Variants in WWC1 observed in about 807,000 individuals in gnomAD.
WWC1 encodes WW and C2 domain containing 1.
In WWC1, 55 loss-of-function variants were observed where a neutral mutation model predicts 138.4. That is an observed-to-expected ratio of 0.40 (90% confidence interval 0.32 to 0.50). The LOEUF (loss-of-function observed/expected upper bound fraction) is 0.50, where lower values mean the gene tolerates loss of function less well. WWC1 is among the 20% of genes least tolerant of loss of function. WWC1 has a pLI of 0.72. For missense variants in WWC1, 1,226 were observed against 1,420.4 expected (o/e 0.86, Z 2.20); for synonymous variants, 524 against 564.9 (o/e 0.93, Z 1.03).
chr5:168,468,076 C>T, intron 22 of WWC1, 112 bp downstream of exon 22: 1 of 1,509,996 alleles, frequency 6.6e-7, no homozygotes, highest in Admixed American at 2.0e-5. Flanking sequence ...CACTGGCTTT[C>T]CCTGTAACAG....
intron 2 of WWC1, among the ~76,000 whole-genome samples, chr5:168,373,606 G>A (rs183056850): frequency 1.5e-4 from 22 of 151,696 alleles, no homozygotes; most frequent in Admixed American, 3.3e-4. Context: ...ACACAATATC[G>A]GGCATGTTTG....
chr5:168,416,315 GAGA>G (rs1302658409), intron 9 of WWC1: 1 of 152,216 alleles, frequency 6.6e-6, no homozygotes, highest in Non-Finnish European at 1.5e-5. Context: ...CAGTTGGTGG[GAGA>G]AGGAGAAGGA....
chr5:168,384,082 C>T (rs2152818024), intron 2 of WWC1, among the ~76,000 whole-genome samples: 1 of 152,070 alleles, frequency 6.6e-6, no homozygotes, highest in Admixed American at 6.5e-5. Flanking sequence ...ATTATAAGTA[C>T]CTTTCCATGT....
At chr5:168,336,143 A>G (rs1290204123) in intron 1 of WWC1, among the ~76,000 whole-genome samples, 1 of 152,184 alleles carries the variant, frequency 6.6e-6, no homozygotes, top group Non-Finnish European at 1.5e-5. Flanking sequence ...CCACCTGGAT[A>G]TGTGGGCCCC....
chr5:168,408,275 C>T (rs1354053002), intron 6 of WWC1, among the ~76,000 whole-genome samples: 1 of 152,012 alleles, frequency 6.6e-6, no homozygotes, highest in African/African-American at 2.4e-5. Flanking sequence ...GCATGTGGCT[C>T]CAGAGTCGGC....
At chr5:168,352,531 G>A (rs1315592947) in intron 1 of WWC1, among the ~76,000 whole-genome samples, 3 of 151,638 alleles carry the variant, frequency 2.0e-5, no homozygotes, top group East Asian at 1.9e-4. Context: ...TAAGGCATGC[G>A]ACTTGACCTC....
chr5:168,410,650 C>G (rs974180542), intron 8 of WWC1, among the ~76,000 whole-genome samples: 2 of 152,198 alleles, frequency 1.3e-5, no homozygotes, highest in Non-Finnish European at 2.9e-5. Flanking sequence ...TTGATCCTCC[C>G]ACCTCAGCCT....
chr5:168,345,994 G>A (rs932889832), intron 1 of WWC1, among the ~76,000 whole-genome samples: 35 of 152,008 alleles, frequency 2.3e-4, no homozygotes, highest in Non-Finnish European at 4.4e-4. Flanking sequence ...CGGGGACCCT[G>A]TGTGGTGAGA....
chr5:168,436,324 C>G (rs903293608), intron 15 of WWC1, among the ~76,000 whole-genome samples: 1 of 152,184 alleles, frequency 6.6e-6, no homozygotes, highest in Non-Finnish European at 1.5e-5. Flanking sequence ...CCTCGCTCTT[C>G]CAGTGTTCTC....
intron 3 of WWC1, among the ~76,000 whole-genome samples, chr5:168,390,115 A>G (rs1391012507): frequency 6.6e-6 from 1 of 152,234 alleles, no homozygotes; most frequent in South Asian, 2.1e-4. Flanking sequence ...GTAACCTTGC[A>G]CAAGTTATGC....
At chr5:168,395,476 C>T (rs540503041) in intron 3 of WWC1, among the ~76,000 whole-genome samples, 16 of 152,262 alleles carry the variant, frequency 1.1e-4, no homozygotes, top group African/African-American at 3.9e-4. Context: ...ACAGCAGGTC[C>T]TCAAATAACA....
chr5:168,392,161 G>A (rs1375323748), intron 3 of WWC1, among the ~76,000 whole-genome samples: 3 of 152,052 alleles, frequency 2.0e-5, no homozygotes, highest in Non-Finnish European at 2.9e-5. Context: ...TGGACTCTAG[G>A]ACACAAGCAA....
At chr5:168,449,343 T>C (rs1235197377) in intron 17 of WWC1, among the ~76,000 whole-genome samples, 1 of 152,204 alleles carries the variant, frequency 6.6e-6, no homozygotes, top group South Asian at 2.1e-4. Flanking sequence ...GACAAACCTG[T>C]TTTGCAATCC....
intron 5 of WWC1, among the ~76,000 whole-genome samples, chr5:168,401,241 G>A (rs927860842): frequency 8.5e-5 from 13 of 152,144 alleles, no homozygotes; most frequent in Admixed American, 7.2e-4. Context: ...GTATCCAATG[G>A]GCTCACTGGA....
In WWC1 at chr5:168,292,578, C is replaced by T. The variant is rs1163968485; in HGVS notation, c.119+307C>T. ...ACCTTAAGCTCTAGCCCCGCCCGCC[C>T]CCTTTAGGAAGAGAGGTCGGGCGGG... On this transcript the variant is annotated intron_variant, in intron 1 of 22. Transcript: ENST00000265293. The surrounding 1 kb of genome is among the most constrained non-coding windows in gnomAD (Gnocchi z 4.4). Among the ~76,000 whole-genome samples, 1 of 152,080 alleles carries T rather than the reference C, an allele frequency of 6.6e-6. No homozygotes were observed. The highest frequency in any genetic ancestry group is 1.5e-5 in the Non-Finnish European group (1 of 68,020).
In WWC1 at chr5:168,431,463, TGG is replaced by T. The variant is rs771833941; in HGVS notation, c.2280+20_2280+21del. On this transcript the variant is annotated intron_variant, in intron 15 of 22. Transcript: ENST00000265293. Reference sequence around the variant, plus strand: ...GTGCCTGGTAAGGGCCGTGTCTGGCTGGCTGGCTGGCTGGCTGGCTGGCTGGC... The same window carrying T: ...GTGCCTGGTAAGGGCCGTGTCTGGCTCTGGCTGGCTGGCTGGCTGGCTGGC... 3.4e-4 allele frequency: 106 copies of T among 310,852 alleles called. 1 individual carries two copies. The highest frequency in any genetic ancestry group is 7.5e-4 in the Admixed American group (5 of 6,636). The allele number at this position is 310,852 out of a possible 1,614,324, so 19.3% of individuals were successfully genotyped here.
rs1769104484 is a variant in WWC1 at position 168,292,195 on chromosome 5, G to A, written c.43G>A (p.Ala15Thr). 3 of 1,555,258 alleles carry A rather than the reference G, an allele frequency of 1.9e-6. No individual in the cohort carries two copies. Among genetic ancestry groups the A allele is most frequent in the South Asian group, 1.2e-5 (1 of 83,884 alleles). ...GCCCCTGCCGGAGGGCTGGGAGGAG[G>A]CGCGCGACTTCGACGGCAAGGTCTA... ...ELPLPEGWEE[A>T]RDFDGKVYYI... Residue 15 changes from alanine (A) to threonine (T), a missense_variant, in exon 1 of 23, where the codon GCG (alanine) becomes ACG (threonine). Around this residue, in one of 3 missense-constraint regions of WWC1, gnomAD observed 1,016 missense variants for 1,153.9 expected, o/e 0.88. Transcript: ENST00000265293. This position sits in a 1 kb window ranked among gnomAD's most constrained non-coding sequence, Gnocchi z 4.4.
intron 9 of WWC1, among the ~76,000 whole-genome samples, chr5:168,420,850 A>G (rs1422985527): frequency 6.6e-6 from 1 of 152,108 alleles, no homozygotes; most frequent in African/African-American, 2.4e-5. Context: ...CCCCGCCTTC[A>G]GTCTTCAGCC....
chr5:168,305,266 C>T (rs1310570506), intron 1 of WWC1, among the ~76,000 whole-genome samples: 1 of 152,090 alleles, frequency 6.6e-6, no homozygotes, highest in Non-Finnish European at 1.5e-5. Context: ...CTGCGCCTGG[C>T]CAACTTAGGA....
Sources: gnomAD v4.1 joint callset for allele counts (sites outside exome capture counted in the v4.1 genomes callset) on GRCh38, gnomAD v4.1.1 for gene constraint, gnomAD v4.1.1 regional missense constraint, Gnocchi (gnomAD v3.1) non-coding constraint, MANE v1.5 for transcripts, NCBI Gene and HGNC (gene_info 2026-07-23, HGNC 2026-07-21) for gene names.